The following FOXJ3 variants were observed in gnomAD, a reference collection of about 807,000 sequenced individuals.
FOXJ3 encodes forkhead box protein J3.
In FOXJ3, 22 loss-of-function variants were observed where a neutral mutation model predicts 76.1. The observed-to-expected ratio is 0.29, with a 90% CI of 0.21 to 0.41. The LOEUF is 0.41. Among genes scored for constraint, FOXJ3 ranks in the 10% least tolerant of loss-of-function variants. The probability of loss-of-function intolerance (pLI) is 1.00; values close to 1 mark genes in which losing one functional copy is unlikely to be tolerated. For synonymous variants in FOXJ3, 269 were observed against 261.2 expected (o/e 1.03, Z -0.29); for missense variants, 613 against 762.1 (o/e 0.80, Z 2.30).
chr1:42,224,911 AC>A (rs1647427609), intron 5 of FOXJ3, among the ~76,000 whole-genome samples: 1 of 151,620 alleles, frequency 6.6e-6, no homozygotes, highest in African/African-American at 2.4e-5. Flanking sequence ...ACATGGCAAG[AC>A]CCCATCTCTA....
At chr1:42,329,926 CCA>C (rs1361948850) in intron 1 of FOXJ3, among the ~76,000 whole-genome samples, 2 of 152,190 alleles carry the variant, frequency 1.3e-5, no homozygotes, top group East Asian at 3.8e-4. Context: ...TGATTAAGAG[CCA>C]CAGAGTTCTG....
At chr1:42,246,483 T>A (rs1235914994) in intron 4 of FOXJ3, among the ~76,000 whole-genome samples, 1 of 151,972 alleles carries the variant, frequency 6.6e-6, no homozygotes, top group Non-Finnish European at 1.5e-5. Flanking sequence ...GAAGGTGATA[T>A]CCTCTTACAG....
intron 2 of FOXJ3, among the ~76,000 whole-genome samples, chr1:42,288,260 C>T (rs1036332074): frequency 5.9e-5 from 9 of 152,090 alleles, no homozygotes; most frequent in Admixed American, 3.3e-4. Context: ...TCTTTGCAGC[C>T]GTAATTTAAA....
intron 2 of FOXJ3, among the ~76,000 whole-genome samples, chr1:42,308,962 TAG>T (rs894113841): frequency 9.2e-6 from 1 of 108,608 alleles, no homozygotes; most frequent in Non-Finnish European, 1.8e-5. Flanking sequence ...GTCTAATCGG[TAG>T]AAAGTGGACA....
intron 3 of FOXJ3, among the ~76,000 whole-genome samples, chr1:42,269,981 C>A (rs904093840): frequency 6.6e-6 from 1 of 152,104 alleles, no homozygotes; most frequent in Admixed American, 6.6e-5. Flanking sequence ...TTTGGTGTTA[C>A]CCCTTAACTT....
Position 42,309,210 on chromosome 1 carries a change from C to T in FOXJ3, c.44+1840G>A, listed in dbSNP as rs576432669. ...TGGCAATTTTGTATCTGTCCTCTCT[C>T]TCCTTCTGCCCTCCAAAGCTGGGCA... On this transcript the variant is annotated intron_variant, in intron 2 of 12. Transcript: ENST00000361346. 4.6e-5 allele frequency among the ~76,000 whole-genome samples: 7 copies of T among 152,224 alleles called. No homozygotes were observed. In the South Asian group the frequency reaches 1.5e-3, roughly 32 times the overall value.
intron 3 of FOXJ3, among the ~76,000 whole-genome samples, chr1:42,274,428 T>G (rs1422892604): frequency 6.6e-6 from 1 of 152,156 alleles, no homozygotes; most frequent in Non-Finnish European, 1.5e-5. Context: ...TTTAATATAG[T>G]TTTTGCAGAA....
chr1:42,295,806 C>A (rs1423167070), intron 2 of FOXJ3, among the ~76,000 whole-genome samples: 1 of 152,146 alleles, frequency 6.6e-6, no homozygotes, highest in East Asian at 1.9e-4. Context: ...GAATTACAGG[C>A]ATGACCCACC....
intron 3 of FOXJ3, among the ~76,000 whole-genome samples, chr1:42,270,797 A>C (rs1459847998): frequency 6.6e-6 from 1 of 152,220 alleles, no homozygotes; most frequent in Non-Finnish European, 1.5e-5. Context: ...CAAGGCACCT[A>C]ATTTAAAATC....
At chr1:42,193,823 C>A (rs563830) in intron 8 of FOXJ3, among the ~76,000 whole-genome samples, 50,484 of 152,010 alleles carry the variant, frequency 0.33, 10,076 homozygotes, top group African/African-American at 0.57. Flanking sequence ...GTTGGAACTT[C>A]AACCCCCAGG....
chr1:42,237,866 A>G (rs971037833), intron 4 of FOXJ3, among the ~76,000 whole-genome samples: 2 of 151,820 alleles, frequency 1.3e-5, no homozygotes, highest in Non-Finnish European at 2.9e-5. Context: ...CATTTAAAAT[A>G]TTGTAACATT....
intron 2 of FOXJ3, among the ~76,000 whole-genome samples, chr1:42,279,464 T>C (rs1344780744): frequency 6.6e-6 from 1 of 152,122 alleles, no homozygotes; most frequent in Non-Finnish European, 1.5e-5. Flanking sequence ...AAAAGAAGCA[T>C]TAAAAACTAA....
At chr1:42,186,988 C>T (rs6673368) in intron 11 of FOXJ3, among the ~76,000 whole-genome samples, 30,451 of 152,136 alleles carry the variant, frequency 0.2, 3,817 homozygotes, top group Admixed American at 0.26. Flanking sequence ...GCTGGGATTA[C>T]AGGCATGTGC....
intron 4 of FOXJ3, among the ~76,000 whole-genome samples, chr1:42,241,975 C>T (rs756553974): frequency 1.6e-4 from 25 of 152,138 alleles, no homozygotes; most frequent in Non-Finnish European, 2.8e-4. Flanking sequence ...GACTATAGCC[C>T]AAGTCACTGA....
chr1:42,334,065 C>T (rs765813530), intron 1 of FOXJ3: 5 of 642,434 alleles, frequency 7.8e-6, no homozygotes, highest in Non-Finnish European at 9.7e-6. Flanking sequence ...TGGAATGCAC[C>T]AACACGGAAT....
At chr1:42,333,758 C>CA (rs918321317) in intron 1 of FOXJ3, among the ~76,000 whole-genome samples, 3 of 151,916 alleles carry the variant, frequency 2.0e-5, no homozygotes, top group Admixed American at 1.3e-4. Flanking sequence ...AAACCAGTTT[C>CA]AAAAAAAGAG....
At chr1:42,210,315 C>T (rs796172530) in intron 5 of FOXJ3, among the ~76,000 whole-genome samples, 4 of 152,124 alleles carry the variant, frequency 2.6e-5, no homozygotes, top group Non-Finnish European at 4.4e-5. Flanking sequence ...TCCCTTCACT[C>T]GCCCTGGTAG....
intron 3 of FOXJ3, among the ~76,000 whole-genome samples, chr1:42,266,508 A>T (rs1651474269): frequency 1.3e-5 from 2 of 152,188 alleles, no homozygotes; most frequent in South Asian, 4.1e-4. Flanking sequence ...CACAGGAAAA[A>T]GAGATGGCCA....
chr1:42,332,899 A>T (rs1476927703), intron 1 of FOXJ3, among the ~76,000 whole-genome samples: 1 of 152,196 alleles, frequency 6.6e-6, no homozygotes, highest in East Asian at 1.9e-4. Context: ...TGTTATCCCA[A>T]GGAGAAGTTT....
Sources: allele counts gnomAD v4.1 joint callset (sites outside exome capture counted in the v4.1 genomes callset), GRCh38; gene constraint gnomAD v4.1.1; transcripts MANE v1.5; gene names NCBI Gene and HGNC (gene_info 2026-07-23, HGNC 2026-07-21).